Variants in SHANK2 observed in about 807,000 individuals in gnomAD.
SHANK2 encodes the protein SH3 and multiple ankyrin repeat domains 2.
In SHANK2, 43 loss-of-function variants were observed where a neutral mutation model predicts 133.7. That is an observed-to-expected ratio of 0.32 (90% CI 0.25 to 0.41). The LOEUF (loss-of-function observed/expected upper bound fraction) is 0.41, where lower values mean the gene tolerates loss of function less well. Among genes scored for constraint, SHANK2 ranks in the 10% least tolerant of loss-of-function variants. The probability of loss-of-function intolerance (pLI) is 1.00; values close to 1 mark genes in which losing one functional copy is unlikely to be tolerated. For synonymous variants in SHANK2, 1,017 were observed against 952.8 expected, an observed-to-expected ratio of 1.07 and a Z score of -1.24; for missense variants, 1,994 against 2,235.8, an observed-to-expected ratio of 0.89 and a Z score of 2.18.
chr11:70,646,690 A>G (rs1780304405), intron 17 of SHANK2, among the ~76,000 whole-genome samples: 1 of 152,214 alleles, frequency 6.6e-6, no homozygotes. Flanking sequence ...CCAGATAGAT[A>G]CCCTAACCCC....
At chr11:71,150,324 CA>C (rs1952770136) in intron 2 of SHANK2, among the ~76,000 whole-genome samples, 1 of 38,738 alleles carries the variant, frequency 2.6e-5, no homozygotes. Context: ...CAGGGAGGGA[CA>C]GGGAGGGAGA....
At position 70,472,612 on chromosome 11, in the gene SHANK2, A is replaced by C; in HGVS notation, c.*257T>G. On this transcript the variant is annotated 3_prime_UTR_variant, in exon 26 of 26. Coordinates refer to ENST00000601538, the MANE Select transcript of SHANK2 (RefSeq NM_012309.5). This position sits in a 1 kb window ranked among gnomAD's most constrained non-coding sequence, Gnocchi z 4.4. ...CTGCATGCTGGGCGGCAGGCTGAGA[A>C]TCTTTTTCCATGTTAGAAAAACTCC... The C allele has an allele frequency of 7.5e-6, 4 of 534,482 alleles. No homozygotes were observed. Among genetic ancestry groups the C allele is most frequent in the Non-Finnish European group, 1.4e-5 (4 of 295,332 alleles). 33.1% of individuals were successfully genotyped at this position (534,482 alleles called of 1,614,324 possible).
intron 11 of SHANK2, 33 bp from the exon 12 acceptor site, chr11:70,820,715 G>A (rs1948500541): frequency 4.7e-6 from 3 of 632,896 alleles, no homozygotes; most frequent in Non-Finnish European, 8.7e-6. Context: ...AGGCCGGTGA[G>A]TGCATCTGTG....
At chr11:70,841,244 C>A (rs1190922653) in intron 11 of SHANK2, among the ~76,000 whole-genome samples, 10 of 152,162 alleles carry the variant, frequency 6.6e-5, no homozygotes, top group African/African-American at 1.9e-4. Flanking sequence ...GCACTCCAGC[C>A]TGGGTGGCGG....
chr11:70,860,307 A>T (rs574291589), intron 11 of SHANK2, among the ~76,000 whole-genome samples: 56 of 152,242 alleles, frequency 3.7e-4, no homozygotes, highest in African/African-American at 1.3e-3. Context: ...GACTCTCATC[A>T]GCCTGAATGT....
intron 10 of SHANK2, among the ~76,000 whole-genome samples, chr11:70,929,395 G>A (rs1426462314): frequency 2.0e-5 from 3 of 152,218 alleles, no homozygotes; most frequent in African/African-American, 7.2e-5. Flanking sequence ...ATGATGCAAT[G>A]TGAATGTATG....
At position 71,080,118 on chromosome 11, in the gene SHANK2, G is replaced by T. The variant is rs1005439371; in HGVS notation, c.913-4843C>A. 1.2e-3 allele frequency among the ~76,000 whole-genome samples: 180 copies of T among 152,234 alleles called. 1 individual carries two copies. Among genetic ancestry groups the T allele is most frequent in the Non-Finnish European group, 1.0e-4 (7 of 68,010 alleles). On this transcript the variant is annotated intron_variant, in intron 8 of 25. Transcript: ENST00000601538. ...CTCTGGCTGTTGAGACAGCTGAGAG[G>T]GTGATAGGAGGGTGGAGAGTAATGG...
chr11:70,546,097 A>ATTTTTTTTT, intron 17 of SHANK2, among the ~76,000 whole-genome samples: 1 of 137,514 alleles, frequency 7.3e-6, no homozygotes, highest in Non-Finnish European at 1.5e-5. Context: ...TATTTATTTA[A>ATTTTTTTTT]TTTTTTTTTT....
At chr11:70,865,640 T>A (rs538950133) in intron 11 of SHANK2, among the ~76,000 whole-genome samples, 25 of 152,168 alleles carry the variant, frequency 1.6e-4, no homozygotes, top group African/African-American at 5.8e-4. Context: ...CAAGCATCCA[T>A]CTCCAAAATT....
intron 17 of SHANK2, among the ~76,000 whole-genome samples, chr11:70,579,141 C>G (rs566525289): frequency 6.6e-6 from 1 of 152,212 alleles, no homozygotes; most frequent in Non-Finnish European, 1.5e-5. Context: ...CTTGCTCAGT[C>G]TCCAGGTCCA....
chr11:70,504,527 G>A (rs998132105), intron 17 of SHANK2, among the ~76,000 whole-genome samples: 2 of 152,204 alleles, frequency 1.3e-5, no homozygotes, highest in African/African-American at 4.8e-5. Context: ...TCATTCCCAT[G>A]TACTCAGACC....
chr11:70,885,168 G>A (rs533676573), intron 11 of SHANK2, among the ~76,000 whole-genome samples: 9 of 150,132 alleles, frequency 6.0e-5, no homozygotes, highest in South Asian at 2.1e-4. Context: ...GTCATCTCCC[G>A]TAAGTGCCCT....
chr11:71,114,899 GCATCTCT>G (rs1951951186), intron 4 of SHANK2, among the ~76,000 whole-genome samples: 1 of 152,118 alleles, frequency 6.6e-6, no homozygotes, highest in African/African-American at 2.4e-5. Flanking sequence ...TGGGCCCACA[GCATCTCT>G]GGGGCAGGAG....
At chr11:70,571,080 A>G (rs1314303695) in intron 17 of SHANK2, among the ~76,000 whole-genome samples, 1 of 152,066 alleles carries the variant, frequency 6.6e-6, no homozygotes, top group Non-Finnish European at 1.5e-5. Flanking sequence ...ATTCTAGGGA[A>G]TGACTCTCCC....
chr11:70,699,605 A>G (rs1166742859), intron 14 of SHANK2, among the ~76,000 whole-genome samples: 1 of 152,170 alleles, frequency 6.6e-6, no homozygotes, highest in Non-Finnish European at 1.5e-5. Context: ...AGCCTCCTCC[A>G]TCCCAAATTC....
chr11:70,950,683 C>G (rs58410194), intron 10 of SHANK2, among the ~76,000 whole-genome samples: 1 of 152,090 alleles, frequency 6.6e-6, no homozygotes, highest in African/African-American at 2.4e-5. Flanking sequence ...TCTCTGCTCA[C>G]TGCCACCTTT....
Position 70,468,992 on chromosome 11 carries a change from A to C in SHANK2, c.*3877T>G, listed in dbSNP as rs2058565732. On this transcript the variant is annotated 3_prime_UTR_variant, in exon 26 of 26. Transcript: ENST00000601538. ...CATGTGGTTTGCTTGTCAACCAGAGAGGCGGCCCAGTTCTGCCACTCCCTT... is the reference window on the plus strand; with the variant it reads ...CATGTGGTTTGCTTGTCAACCAGAGCGGCGGCCCAGTTCTGCCACTCCCTT... 1 of 152,208 alleles carries C rather than the reference A, an allele frequency of 6.6e-6. No homozygotes were observed. The highest frequency in any genetic ancestry group is 2.4e-5 in the African/African-American group (1 of 41,444). 9.4% of individuals were successfully genotyped at this position (152,208 alleles called of 1,614,324 possible). A position where few individuals can be genotyped will look rare whatever the true frequency, so the allele number is the denominator to read the frequency against.
chr11:70,612,418 GT>G (rs1554994534), intron 17 of SHANK2, among the ~76,000 whole-genome samples: 1 of 152,158 alleles, frequency 6.6e-6, no homozygotes, highest in Non-Finnish European at 1.5e-5. Flanking sequence ...GAAAGGTTGG[GT>G]TTCTCTACAT....
intron 14 of SHANK2, among the ~76,000 whole-genome samples, chr11:70,753,811 A>ACT (rs71049937): frequency 1.2e-3 from 167 of 144,670 alleles, no homozygotes; most frequent in Middle Eastern, 7.1e-3. Flanking sequence ...AAAGATATTA[A>ACT]GTGTGTGTGT....
Sources: gnomAD v4.1 joint callset for allele counts (sites outside exome capture counted in the v4.1 genomes callset) on GRCh38, gnomAD v4.1.1 for gene constraint, Gnocchi (gnomAD v3.1) non-coding constraint, MANE v1.5 for transcripts, NCBI Gene and HGNC (gene_info 2026-07-23, HGNC 2026-07-21) for gene names.